ARHGEF4: variants seen among roughly 807,000 people sequenced by gnomAD.
The protein encoded by ARHGEF4 is APC-stimulated guanine nucleotide exchange factor 1.
A neutral mutation model predicts 162.0 loss-of-function variants in ARHGEF4; 119 were observed. The ratio of observed to expected loss-of-function variants is 0.73; its 90% CI spans 0.63 to 0.86. The LOEUF is 0.86. Among genes scored for constraint, ARHGEF4 ranks in the 40% least tolerant of loss-of-function variants. The pLI is 0.00. For synonymous variants in ARHGEF4, 1,014 were observed against 979.9 expected (o/e 1.03, Z -0.65); for missense variants, 2,488 against 2,456.0 (o/e 1.01, Z -0.28).
At chr2:130,868,176 C>T (rs1488872993) in intron 1 of ARHGEF4, among the ~76,000 whole-genome samples, 36 of 151,978 alleles carry the variant, frequency 2.4e-4, no homozygotes, top group Admixed American at 2.0e-3. Flanking sequence ...CCGCCCGCCC[C>T]GGCCTCCCAG....
chr2:130,979,613 G>A (rs930877486), intron 4 of ARHGEF4, among the ~76,000 whole-genome samples: 2 of 151,608 alleles, frequency 1.3e-5, no homozygotes, highest in Non-Finnish European at 2.9e-5. Context: ...GCGGGAGCCT[G>A]TAATCCCAGC....
intron 1 of ARHGEF4, among the ~76,000 whole-genome samples, chr2:130,907,687 C>A (rs899036803): frequency 2.0e-5 from 3 of 151,966 alleles, no homozygotes; most frequent in African/African-American, 7.2e-5. Context: ...GGTGCGGTGG[C>A]CCACGCCTGT....
At chr2:130,947,576 T>C (rs1386313840) in intron 4 of ARHGEF4, among the ~76,000 whole-genome samples, 1 of 152,178 alleles carries the variant, frequency 6.6e-6, no homozygotes, top group Non-Finnish European at 1.5e-5. Context: ...TTCTGAGGAA[T>C]AATGGCCTCT....
intron 5 of ARHGEF4, among the ~76,000 whole-genome samples, chr2:131,037,244 A>G (rs1027736503): frequency 3.9e-5 from 6 of 152,170 alleles, no homozygotes; most frequent in African/African-American, 7.2e-5. Flanking sequence ...TACCCCCAGG[A>G]AAGAGAAGGT....
chr2:130,974,636 A>G (rs949276449), intron 4 of ARHGEF4, among the ~76,000 whole-genome samples: 1 of 117,928 alleles, frequency 8.5e-6, no homozygotes, highest in Non-Finnish European at 1.9e-5. Flanking sequence ...TTTTTTTTGT[A>G]TTTTTTGTAG....
chr2:130,866,777 A>G (rs1682308459), intron 1 of ARHGEF4, among the ~76,000 whole-genome samples: 1 of 152,190 alleles, frequency 6.6e-6, no homozygotes, highest in Non-Finnish European at 1.5e-5. Context: ...TCCATCTGCT[A>G]GAATTCTGTT....
intron 4 of ARHGEF4, chr2:130,964,077 C>A: frequency 1.3e-6 from 1 of 753,050 alleles, no homozygotes; most frequent in Non-Finnish European, 1.6e-6. Flanking sequence ...GCGAGTCAAG[C>A]GGGCAGACGA....
At position 130,930,942 on chromosome 2, in the gene ARHGEF4, T is replaced by C; in HGVS notation, c.3553-10T>C. 1 of 1,596,338 alleles carries C rather than the reference T, an allele frequency of 6.3e-7. No individual in the cohort carries two copies. The highest frequency in any genetic ancestry group is 8.6e-7 in the Non-Finnish European group (1 of 1,167,512). On this transcript the variant is annotated splice_polypyrimidine_tract_variant and intron_variant, in intron 2 of 13. Transcript: ENST00000409359. The stretch of plus-strand genomic sequence containing the variant: ...CCTCTGACCCCTGACCCGTTCTCTC[T>C]GCTCTCCAGAACCACATGCCCTGGG...
chr2:130,937,834 A>G (rs1683054356), intron 3 of ARHGEF4, among the ~76,000 whole-genome samples: 1 of 151,830 alleles, frequency 6.6e-6, no homozygotes, highest in South Asian at 2.1e-4. Context: ...TGCCCGGCTA[A>G]TTTTTTGTAT....
chr2:131,032,848 C>CTTTTT (rs111971610), intron 5 of ARHGEF4, among the ~76,000 whole-genome samples: 25 of 128,630 alleles, frequency 1.9e-4, no homozygotes, highest in African/African-American at 8.4e-4. Context: ...TTTCTTTTTT[C>CTTTTT]TTTTTTTTTT....
chr2:130,956,369 G>A (rs550383981), intron 4 of ARHGEF4, among the ~76,000 whole-genome samples: 1 of 152,110 alleles, frequency 6.6e-6, no homozygotes, highest in East Asian at 1.9e-4. Context: ...TACACTGTTG[G>A]TGGGACTGTA....
chr2:130,923,872 ATTCTT>A (rs975662272), intron 2 of ARHGEF4, among the ~76,000 whole-genome samples: 7 of 134,748 alleles, frequency 5.2e-5, no homozygotes, highest in African/African-American at 1.6e-4. Context: ...TCTTTCTTTT[ATTCTT>A]TTCTTTTCTT....
rs769850380 is a variant in ARHGEF4 at position 131,044,329 on chromosome 2, A to G, written c.5188A>G (p.Lys1730Glu). 10 of 1,610,162 alleles carry G rather than the reference A, an allele frequency of 6.2e-6. No individual in the cohort carries two copies. Among genetic ancestry groups the G allele is most frequent in the South Asian group, 1.1e-5 (1 of 90,024 alleles). Residue 1730 changes from lysine (K) to glutamate (E), a missense_variant, in exon 12 of 14, where the codon AAG (lysine) becomes GAG (glutamate). Lys to Glu is a moderately conservative substitution (Grantham distance 56). Around this residue, in one of 6 missense-constraint regions of ARHGEF4, gnomAD observed 415 missense variants for 512.4 expected, o/e 0.81. Transcript: ENST00000409359. ...GCTCCGCCGCGACGTGTTGTACTAC[A>G]AGGGCCGGCTGGACATGGACGGCCT... ...DLLRRDVLYY[K>E]GRLDMDGLEV... is the part of the protein sequence containing the mutation.
intron 4 of ARHGEF4, among the ~76,000 whole-genome samples, chr2:130,968,179 G>A (rs1685122562): frequency 6.6e-6 from 1 of 152,212 alleles, no homozygotes. Flanking sequence ...AAGTGACTCT[G>A]ATCAGTCAGG....
chr2:130,928,431 A>C (rs970310650), intron 2 of ARHGEF4, among the ~76,000 whole-genome samples: 1 of 152,228 alleles, frequency 6.6e-6, no homozygotes, highest in African/African-American at 2.4e-5. Flanking sequence ...TCACCAGTTA[A>C]GTCCGTGGTC....
intron 1 of ARHGEF4, among the ~76,000 whole-genome samples, chr2:130,848,504 T>C (rs1443494734): frequency 1.3e-5 from 2 of 152,174 alleles, no homozygotes; most frequent in African/African-American, 2.4e-5. Context: ...CTCTGAGCAC[T>C]GGCACTGGAA....
chr2:130,908,607 T>C (rs6430413), intron 1 of ARHGEF4, among the ~76,000 whole-genome samples: 63,280 of 151,684 alleles, frequency 0.42, 16,008 homozygotes, highest in African/African-American at 0.72. Flanking sequence ...ACCCGGGAGG[T>C]GGACGTTGGA....
intron 1 of ARHGEF4, among the ~76,000 whole-genome samples, chr2:130,868,825 G>A (rs1281361341): frequency 1.3e-5 from 2 of 152,198 alleles, no homozygotes; most frequent in Non-Finnish European, 2.9e-5. Flanking sequence ...CTGTGGGCTG[G>A]TTCGTTCTGG....
chr2:130,949,349 TTTTA>T (rs1185620495), intron 4 of ARHGEF4, among the ~76,000 whole-genome samples: 4 of 152,110 alleles, frequency 2.6e-5, no homozygotes, highest in Admixed American at 1.3e-4. Flanking sequence ...ATTTACTTTA[TTTTA>T]TTTATTTATT....
Sources: allele counts gnomAD v4.1 joint callset (sites outside exome capture counted in the v4.1 genomes callset), GRCh38; gene constraint gnomAD v4.1.1; regional missense constraint gnomAD v4.1.1; transcripts MANE v1.5; gene names NCBI Gene and HGNC (gene_info 2026-07-23, HGNC 2026-07-21).